Variants in CAMKMT observed in about 807,000 individuals in gnomAD.
CAMKMT encodes the protein CaM KMT.
A neutral mutation model predicts 48.0 loss-of-function variants in CAMKMT; 53 were observed. That is an observed-to-expected ratio of 1.10 (90% CI 0.89 to 1.39). The LOEUF (loss-of-function observed/expected upper bound fraction) is 1.39. Ranked by LOEUF, CAMKMT falls within the 40% of genes most tolerant of loss-of-function variation. The pLI, the probability that CAMKMT is intolerant of heterozygous loss-of-function variation, is 0.00. For missense variants in CAMKMT, 428 were observed against 402.7 expected, an observed-to-expected ratio of 1.06 and a Z score of -0.54; for synonymous variants, 165 against 152.3, an observed-to-expected ratio of 1.08 and a Z score of -0.61.
At position 44,749,810 on chromosome 2, in the gene CAMKMT, TCCC is replaced by T. The variant is rs1157356036; in HGVS notation, c.699-4244_699-4242del. 3.9e-5 allele frequency among the ~76,000 whole-genome samples: 6 copies of T among 152,246 alleles called. No individual in the cohort carries two copies. The South Asian group carries it at 1.0e-3, about 26-fold the overall frequency. ...CCCCTCTGAGCGAGGACAGCAGCCC[TCCC>T]ACTGACAGCTGATACCCACCCTTAG... On this transcript the variant is annotated intron_variant, in intron 8 of 10. Transcript: ENST00000378494.
At chr2:44,439,672 A>C (rs904897724) in intron 3 of CAMKMT, among the ~76,000 whole-genome samples, 45 of 152,128 alleles carry the variant, frequency 3.0e-4, no homozygotes, top group Admixed American at 2.8e-3. Context: ...CCCCGTCTCT[A>C]CTAAAAATAC....
intron 3 of CAMKMT, among the ~76,000 whole-genome samples, chr2:44,556,175 G>A (rs1178908277): frequency 6.6e-6 from 1 of 151,922 alleles, no homozygotes; most frequent in African/African-American, 2.4e-5. Flanking sequence ...GTCTTGCTCT[G>A]TCACCCAGGC....
intron 3 of CAMKMT, among the ~76,000 whole-genome samples, chr2:44,463,121 A>C (rs1036109591): frequency 1.3e-5 from 2 of 152,268 alleles, no homozygotes; most frequent in African/African-American, 4.8e-5. Flanking sequence ...GATCAATGCC[A>C]TGGATACCTA....
chr2:44,559,160 C>G (rs1668191067), intron 3 of CAMKMT, among the ~76,000 whole-genome samples: 1 of 152,156 alleles, frequency 6.6e-6, no homozygotes, highest in South Asian at 2.1e-4. Context: ...ATTAGGGATG[C>G]AACTTAGTGG....
At position 44,609,030 on chromosome 2, in the gene CAMKMT, A is replaced by G. The variant is rs534352450; in HGVS notation, c.377-95253A>G. On this transcript the variant is annotated intron_variant, in intron 3 of 10. Coordinates refer to ENST00000378494, the MANE Select transcript of CAMKMT (RefSeq NM_024766.5). ...CTTTTTCTTGCCATACCAGTCAATC[A>G]CTTTTGCAGTATTTTAAAAGAAGAT... 9.8e-5 allele frequency among the ~76,000 whole-genome samples: 15 copies of G among 152,330 alleles called. 1 individual carries two copies. In the South Asian group the frequency reaches 2.9e-3, roughly 29 times the overall value.
intron 3 of CAMKMT, among the ~76,000 whole-genome samples, chr2:44,472,181 C>T (rs1352747400): frequency 1.3e-5 from 2 of 152,182 alleles, no homozygotes; most frequent in African/African-American, 4.8e-5. Context: ...CGCCATTCTT[C>T]TGCCTCAGCA....
chr2:44,408,776 C>T (rs548827675), intron 3 of CAMKMT, among the ~76,000 whole-genome samples: 37 of 152,000 alleles, frequency 2.4e-4, no homozygotes, highest in Middle Eastern at 6.8e-3. Flanking sequence ...GGGTCTTGCT[C>T]TGTCACCCAG....
At chr2:44,422,775 T>C (rs1684018174) in intron 3 of CAMKMT, among the ~76,000 whole-genome samples, 1 of 152,162 alleles carries the variant, frequency 6.6e-6, no homozygotes, top group Non-Finnish European at 1.5e-5. Flanking sequence ...TGTTTTACTC[T>C]CACAAAGTTT....
intron 3 of CAMKMT, among the ~76,000 whole-genome samples, chr2:44,405,944 A>G (rs1431074203): frequency 1.3e-5 from 2 of 152,144 alleles, no homozygotes; most frequent in African/African-American, 2.4e-5. Context: ...ATCTGTGCCT[A>G]AACTTTAAGC....
At chr2:44,652,288 A>G (rs1674113625) in intron 3 of CAMKMT, among the ~76,000 whole-genome samples, 1 of 152,210 alleles carries the variant, frequency 6.6e-6, no homozygotes, top group South Asian at 2.1e-4. Context: ...GTTCTTATAA[A>G]GAGGACTTGC....
chr2:44,408,013 A>G (rs1682899656), intron 3 of CAMKMT, among the ~76,000 whole-genome samples: 1 of 147,636 alleles, frequency 6.8e-6, no homozygotes, highest in South Asian at 2.2e-4. Context: ...AGAAGACAAC[A>G]GTAGAGCATG....
chr2:44,433,935 G>C (rs185675991), intron 3 of CAMKMT, among the ~76,000 whole-genome samples: 30 of 152,244 alleles, frequency 2.0e-4, no homozygotes, highest in Non-Finnish European at 7.4e-5. Flanking sequence ...GCCGTGGTTT[G>C]TAAATAAATG....
At chr2:44,453,164 C>G (rs889222640) in intron 3 of CAMKMT, among the ~76,000 whole-genome samples, 5 of 151,904 alleles carry the variant, frequency 3.3e-5, no homozygotes, top group African/African-American at 1.2e-4. Context: ...ATTCAATCAT[C>G]TATTATTAAA....
intron 3 of CAMKMT, among the ~76,000 whole-genome samples, chr2:44,666,749 A>C (rs1675001375): frequency 6.6e-6 from 1 of 152,032 alleles, no homozygotes; most frequent in Non-Finnish European, 1.5e-5. Context: ...AGCTGGGAGT[A>C]CAGGCGCGAG....
intron 3 of CAMKMT, among the ~76,000 whole-genome samples, chr2:44,561,276 C>G (rs976409466): frequency 1.3e-5 from 2 of 152,282 alleles, no homozygotes; most frequent in Non-Finnish European, 2.9e-5. Context: ...GGTTTTGTAT[C>G]TAGACTTAGA....
intron 3 of CAMKMT, among the ~76,000 whole-genome samples, chr2:44,505,758 G>A (rs1334669516): frequency 1.3e-5 from 2 of 152,104 alleles, no homozygotes; most frequent in Admixed American, 6.6e-5. Flanking sequence ...GTTCAAATCC[G>A]TGTTGTCCAA....
rs1678595739 is a variant in CAMKMT, at chr2:44,723,525, A to G, written c.623+8172A>G. On this transcript the variant is annotated intron_variant, in intron 7 of 10. Coordinates refer to ENST00000378494, the MANE Select transcript of CAMKMT (RefSeq NM_024766.5). ...AGAATTGCTTGAACCTGGGAGGCAG[A>G]GGTTGCAGTGAGCGGAGATCACACC... is the stretch of plus-strand genomic sequence containing the variant. Among the ~76,000 whole-genome samples, 3 of 151,986 alleles carry G rather than the reference A, an allele frequency of 2.0e-5. No homozygotes were observed. In the South Asian group the frequency reaches 6.2e-4, roughly 32 times the overall value.
intron 3 of CAMKMT, among the ~76,000 whole-genome samples, chr2:44,585,480 T>G (rs1157159935): frequency 1.3e-5 from 2 of 152,332 alleles, no homozygotes; most frequent in East Asian, 3.9e-4. Flanking sequence ...TTGAAAAGTG[T>G]TATGAAGGGC....
chr2:44,438,090 G>T (rs73924762), intron 3 of CAMKMT, among the ~76,000 whole-genome samples: 3 of 151,874 alleles, frequency 2.0e-5, no homozygotes, highest in Non-Finnish European at 2.9e-5. Context: ...ACTTATAGCC[G>T]CATGAGAAAA....
Sources: allele counts gnomAD v4.1 joint callset (sites outside exome capture counted in the v4.1 genomes callset), GRCh38; gene constraint gnomAD v4.1.1; transcripts MANE v1.5; gene names NCBI Gene and HGNC (gene_info 2026-07-23, HGNC 2026-07-21).